Variants in CERK observed in about 807,000 individuals in gnomAD.
The protein encoded by CERK is ceramide kinase.
Under a neutral mutation model 63.4 loss-of-function variants are expected in CERK, and 39 were observed. The ratio of observed to expected loss-of-function variants is 0.61; its 90% confidence interval spans 0.48 to 0.80. The LOEUF (loss-of-function observed/expected upper bound fraction) is 0.80. Among genes scored for constraint, CERK ranks in the 30% least tolerant of loss-of-function variants. CERK has a pLI of 0.00. For synonymous variants in CERK, 302 were observed against 280.0 expected, an observed-to-expected ratio of 1.08 and a Z score of -0.78; for missense variants, 670 against 714.1, an observed-to-expected ratio of 0.94 and a Z score of 0.70.
At chr22:46,736,359 G>A (rs1283867637) in intron 1 of CERK, among the ~76,000 whole-genome samples, 2 of 152,224 alleles carry the variant, frequency 1.3e-5, no homozygotes, top group Admixed American at 1.3e-4. Context: ...GGAGCCTGAG[G>A]GAAGCCTTAC....
intron 1 of CERK, among the ~76,000 whole-genome samples, chr22:46,733,631 G>A (rs1218097518): frequency 2.0e-5 from 3 of 151,736 alleles, no homozygotes; most frequent in Non-Finnish European, 4.4e-5. Flanking sequence ...TCTTACAAAA[G>A]AAATTTTAAA....
At chr22:46,722,795 T>C (rs1353159522) in intron 1 of CERK, among the ~76,000 whole-genome samples, 2 of 151,896 alleles carry the variant, frequency 1.3e-5, no homozygotes, top group African/African-American at 4.8e-5. Context: ...GTGCCAGGGG[T>C]GCCAGCACAA....
chr22:46,702,219 A>ATGTG (rs912934191), intron 6 of CERK, among the ~76,000 whole-genome samples: 7 of 97,210 alleles, frequency 7.2e-5, no homozygotes, highest in African/African-American at 2.8e-4. Context: ...AAAAAAATAT[A>ATGTG]TATATGTGTG....
intron 3 of CERK, 62 bp from the exon 4 acceptor site, chr22:46,712,355 T>A: frequency 6.6e-7 from 1 of 1,509,532 alleles, no homozygotes; most frequent in Non-Finnish European, 9.1e-7. Flanking sequence ...AGAGCTCTGT[T>A]ACTGGACAAA....
intron 1 of CERK, among the ~76,000 whole-genome samples, chr22:46,723,908 G>A (rs934355299): frequency 6.6e-6 from 1 of 152,126 alleles, no homozygotes; most frequent in African/African-American, 2.4e-5. Context: ...ATGTTGGCCA[G>A]GATGGTCTTG....
At chr22:46,729,580 C>T (rs569861485) in intron 1 of CERK, among the ~76,000 whole-genome samples, 4 of 152,040 alleles carry the variant, frequency 2.6e-5, no homozygotes, top group African/African-American at 9.6e-5. Flanking sequence ...CTCCAAAAAA[C>T]ATTAACAGGA....
At chr22:46,712,876 G>A (rs143727975) in intron 3 of CERK, among the ~76,000 whole-genome samples, 4,506 of 141,918 alleles carry the variant, frequency 0.032, 227 homozygotes, top group African/African-American at 0.11. Context: ...ATGGAGTCTC[G>A]CTCTGTCGCC....
In CERK at chr22:46,738,113, G is replaced by T. The variant is rs1216865648; in HGVS notation, c.36C>A (p.Ser12=). The change falls in exon 1 of 13, where the codon TCC becomes TCA. Residue 12 remains serine, a synonymous_variant. Transcript: ENST00000216264. ...AGCGCTGCTGCTTCACCCACAGCAC[G>T]GATTGCAGCGGCTCCGCCGCCCCCG... ...GATGAAEPLQ[S]VLWVKQQRCA... 6 of 1,260,322 alleles carry T rather than the reference G, an allele frequency of 4.8e-6. No individual in the cohort carries two copies. Among genetic ancestry groups the T allele is most frequent in the Non-Finnish European group, 6.0e-6 (6 of 994,888 alleles). 78.1% of individuals were successfully genotyped at this position (1,260,322 alleles called of 1,614,324 possible). A position where few individuals can be genotyped will look rare whatever the true frequency, so the allele number is the denominator to read the frequency against.
chr22:46,698,031 C>T (rs1034464298), intron 8 of CERK, among the ~76,000 whole-genome samples: 1 of 152,222 alleles, frequency 6.6e-6, no homozygotes, highest in Non-Finnish European at 1.5e-5. Context: ...CGAAGCCCAC[C>T]CAGACCTGCC....
At chr22:46,706,310 C>G (rs1345322440) in intron 6 of CERK, among the ~76,000 whole-genome samples, 1 of 152,234 alleles carries the variant, frequency 6.6e-6, no homozygotes, top group African/African-American at 2.4e-5. Context: ...CTCTTCCGCT[C>G]TCCCCACTCC....
intron 8 of CERK, among the ~76,000 whole-genome samples, chr22:46,698,472 G>A (rs1053671470): frequency 5.3e-5 from 8 of 152,222 alleles, no homozygotes; most frequent in African/African-American, 1.7e-4. Context: ...ACGCAACCTT[G>A]TTGAATGAAG....
rs540669268 is a variant in CERK at position 46,725,105 on chromosome 22, T to TGAGGACTCCACAGTGA, written c.143-4106_143-4091dup. On this transcript the variant is annotated intron_variant, in intron 1 of 12. Coordinates refer to ENST00000216264, the MANE Select transcript of CERK (RefSeq NM_022766.6). ...TCAGGCCATTGTCCCTGTGTTAAGC[T>TGAGGACTCCACAGTGA]GAGGACTCCACAGTGAGAGAACTCC... 1.1e-3 allele frequency among the ~76,000 whole-genome samples: 162 copies of TGAGGACTCCACAGTGA among 152,246 alleles called. 2 individuals carry two copies. The highest frequency in any genetic ancestry group is 3.6e-3 in the African/African-American group (150 of 41,540).
chr22:46,731,117 C>T (rs2082943296), intron 1 of CERK, among the ~76,000 whole-genome samples: 1 of 152,266 alleles, frequency 6.6e-6, no homozygotes, highest in Admixed American at 6.5e-5. Flanking sequence ...CCCATCAGCG[C>T]CAGCTGGTAA....
At chr22:46,701,119 A>G (rs1363895627) in intron 7 of CERK, among the ~76,000 whole-genome samples, 1 of 152,244 alleles carries the variant, frequency 6.6e-6, no homozygotes, top group Non-Finnish European at 1.5e-5. Context: ...CGAAGGCACA[A>G]AAGATCTGTC....
In CERK at chr22:46,711,077, C is replaced by A. The variant is rs758287860; in HGVS notation, c.569+9G>T. 6.2e-7 allele frequency: 1 copy of A among 1,608,220 alleles called. No individual in the cohort carries two copies. Among genetic ancestry groups the A allele is most frequent in the Non-Finnish European group, 8.5e-7 (1 of 1,175,132 alleles). ...TGGACTTGATGGCGATGAAAGACGG[C>A]TTACTCACCCGTCGTATTTGTCTAT... On this transcript the variant is annotated intron_variant, in intron 5 of 12. Coordinates refer to ENST00000216264, the MANE Select transcript of CERK (RefSeq NM_022766.6).
chr22:46,702,225 G>A (rs1396372240), intron 6 of CERK, among the ~76,000 whole-genome samples: 72 of 63,722 alleles, frequency 1.1e-3, no homozygotes, highest in East Asian at 9.0e-3. Flanking sequence ...ATATATATAT[G>A]TGTGTGTGTG....
At chr22:46,729,583 T>G (rs1036362534) in intron 1 of CERK, among the ~76,000 whole-genome samples, 1 of 151,762 alleles carries the variant, frequency 6.6e-6, no homozygotes, top group Non-Finnish European at 1.5e-5. Context: ...CAAAAAACAT[T>G]AACAGGACTT....
chr22:46,738,190 C>A lies in CERK; in HGVS notation c.-42G>T. 9.1e-7 allele frequency: 1 copy of A among 1,095,606 alleles called. No individual in the cohort carries two copies. Among genetic ancestry groups the A allele is most frequent in the Non-Finnish European group, 1.1e-6 (1 of 902,218 alleles). The allele number at this position is 1,095,606 out of a possible 1,614,324, so 67.9% of individuals were successfully genotyped here. On this transcript the variant is annotated 5_prime_UTR_variant, in exon 1 of 13. Coordinates refer to ENST00000216264, the MANE Select transcript of CERK (RefSeq NM_022766.6). ...GTCCGCCAGGCTGGGGGCGCGCGGA[C>A]GCCGAGGGGCGCCGGACCGTTAGCG... is the stretch of plus-strand genomic sequence containing the variant.
At chr22:46,693,527 CT>C (rs777934304) in intron 9 of CERK, 24 bp from the exon 10 acceptor site, 6 of 1,603,790 alleles carry the variant, frequency 3.7e-6, no homozygotes, top group Non-Finnish European at 4.3e-6. Flanking sequence ...ATATCATCAC[CT>C]TTTAAATATG....
Sources: gnomAD v4.1 joint callset for allele counts (sites outside exome capture counted in the v4.1 genomes callset) on GRCh38, gnomAD v4.1.1 for gene constraint, MANE v1.5 for transcripts, NCBI Gene and HGNC (gene_info 2026-07-23, HGNC 2026-07-21) for gene names.